MGMT: variants seen among roughly 807,000 people sequenced by gnomAD.
MGMT encodes the protein methylated-DNA--protein-cysteine methyltransferase.
Under a neutral mutation model 15.9 loss-of-function variants are expected in MGMT, and 14 were observed. The observed-to-expected ratio is 0.88, with a 90% CI of 0.58 to 1.37. MGMT has a LOEUF of 1.37. Ranked by LOEUF, MGMT falls within the 40% of genes most tolerant of loss-of-function variation. The pLI, the probability that MGMT is intolerant of heterozygous loss-of-function variation, is 0.00. For synonymous variants in MGMT, 130 were observed against 118.2 expected, an observed-to-expected ratio of 1.10 and a Z score of -0.65; for missense variants, 282 against 268.1, an observed-to-expected ratio of 1.05 and a Z score of -0.36.
At chr10:129,508,209 G>A (rs12254786) in intron 1 of MGMT, among the ~76,000 whole-genome samples, 10,449 of 152,124 alleles carry the variant, frequency 0.069, 1,204 homozygotes, top group African/African-American at 0.24. Flanking sequence ...GCCCTTTTGC[G>A]GGTGGTTCTG....
chr10:129,628,648 C>T (rs992554655), intron 2 of MGMT, among the ~76,000 whole-genome samples: 1 of 152,168 alleles, frequency 6.6e-6, no homozygotes, highest in Non-Finnish European at 1.5e-5. Context: ...GTCCACAGTT[C>T]GTGTCGATGA....
At chr10:129,619,822 GC>G (rs1414033297) in intron 2 of MGMT, among the ~76,000 whole-genome samples, 6 of 152,074 alleles carry the variant, frequency 3.9e-5, no homozygotes, top group Non-Finnish European at 7.4e-5. Flanking sequence ...CTATTCCACT[GC>G]CCTTTTTTCC....
Position 129,759,345 on chromosome 10 carries a change from A to T in MGMT, c.414+4A>T. 1 of 1,614,118 alleles carries T rather than the reference A, an allele frequency of 6.2e-7. No homozygotes were observed. Among genetic ancestry groups the T allele is most frequent in the Non-Finnish European group, 8.5e-7 (1 of 1,180,002 alleles). ...AGGAGCAATGAGAGGCAATCCTGTGAGTTCTCATGGCGCAAGCATGGCTGT... is the reference window on the plus strand; with the variant it reads ...AGGAGCAATGAGAGGCAATCCTGTGTGTTCTCATGGCGCAAGCATGGCTGT... On this transcript the variant is annotated splice_donor_region_variant and intron_variant, in intron 4 of 4. Coordinates refer to ENST00000651593, the MANE Select transcript of MGMT (RefSeq NM_002412.5).
intron 1 of MGMT, among the ~76,000 whole-genome samples, chr10:129,492,654 G>A (rs767632880): frequency 1.8e-4 from 28 of 152,132 alleles, no homozygotes; most frequent in Non-Finnish European, 2.9e-4. Context: ...GGACTGCCAC[G>A]GTGCTCCCCA....
At chr10:129,606,895 C>A (rs480468) in intron 2 of MGMT, among the ~76,000 whole-genome samples, 152,022 of 152,376 alleles carry the variant, frequency 1, 75,835 homozygotes, top group Middle Eastern at 1. Context: ...ATAAGCAATG[C>A]ATTTTTGTAG....
intron 2 of MGMT, among the ~76,000 whole-genome samples, chr10:129,666,243 C>T (rs1847657739): frequency 1.3e-5 from 2 of 152,198 alleles, no homozygotes; most frequent in South Asian, 2.1e-4. Context: ...GATCATATAT[C>T]TTTTTCCATG....
At chr10:129,631,699 C>T (rs1002861015) in intron 2 of MGMT, among the ~76,000 whole-genome samples, 3 of 152,084 alleles carry the variant, frequency 2.0e-5, no homozygotes, top group Non-Finnish European at 4.4e-5. Context: ...TGGTGTGCAC[C>T]TGTGGTCCCA....
intron 2 of MGMT, among the ~76,000 whole-genome samples, chr10:129,662,245 G>A (rs1399666289): frequency 6.6e-6 from 1 of 152,118 alleles, no homozygotes; most frequent in Non-Finnish European, 1.5e-5. Context: ...TCATAGGTAG[G>A]AATCAAAGGA....
In MGMT at chr10:129,765,627, G is replaced by A. The variant is rs376624305; in HGVS notation, c.415-1161G>A. On this transcript the variant is annotated intron_variant, in intron 4 of 4. Transcript: ENST00000651593. The stretch of plus-strand genomic sequence containing the variant: ...AGTAATTCCCACAAGAATTACATTC[G>A]CCATCACTGTCCCCTCTGGCTAAGC... 4.6e-5 allele frequency among the ~76,000 whole-genome samples: 7 copies of A among 152,318 alleles called. No individual in the cohort carries two copies. The East Asian group carries it at 9.7e-4, about 21-fold the overall frequency.
chr10:129,677,034 G>A (rs1847794031), intron 2 of MGMT, among the ~76,000 whole-genome samples: 1 of 152,200 alleles, frequency 6.6e-6, no homozygotes, highest in African/African-American at 2.4e-5. Flanking sequence ...CAGCGTGCTA[G>A]TAGTAACCAT....
chr10:129,584,509 T>C (rs546726644), intron 2 of MGMT, among the ~76,000 whole-genome samples: 1 of 152,306 alleles, frequency 6.6e-6, no homozygotes, highest in African/African-American at 2.4e-5. Flanking sequence ...ATTTAAATTG[T>C]ACAGCATGCT....
chr10:129,764,652 C>T (rs967029943), intron 4 of MGMT, among the ~76,000 whole-genome samples: 1 of 152,236 alleles, frequency 6.6e-6, no homozygotes, highest in Non-Finnish European at 1.5e-5. Flanking sequence ...GAAATCATTT[C>T]TCTGTTGAGC....
chr10:129,761,635 A>T (rs140378859), intron 4 of MGMT, among the ~76,000 whole-genome samples: 1 of 152,348 alleles, frequency 6.6e-6, no homozygotes, highest in Non-Finnish European at 1.5e-5. Flanking sequence ...GTAGTATCAC[A>T]TGGGATGTAA....
intron 2 of MGMT, among the ~76,000 whole-genome samples, chr10:129,621,560 G>A (rs1238281924): frequency 1.3e-5 from 2 of 152,284 alleles, no homozygotes; most frequent in East Asian, 1.9e-4. Context: ...AGGGACGCAC[G>A]AGTGGGTAGA....
At chr10:129,675,043 C>T (rs967487443) in intron 2 of MGMT, among the ~76,000 whole-genome samples, 3 of 152,178 alleles carry the variant, frequency 2.0e-5, no homozygotes, top group Admixed American at 1.3e-4. Flanking sequence ...ATCTGAACCA[C>T]GTGGAACAAG....
chr10:129,691,363 C>A lies in MGMT; in HGVS notation c.126-16532C>A, dbSNP rs970073756. On this transcript the variant is annotated intron_variant, in intron 2 of 4. Coordinates refer to ENST00000651593, the MANE Select transcript of MGMT (RefSeq NM_002412.5). ...TGGAAGCAAGAAGAGGAGCTGGCAACAGGACTTGGGAGAGGCGGAGAGCAC... is the reference window on the plus strand; with the variant it reads ...TGGAAGCAAGAAGAGGAGCTGGCAAAAGGACTTGGGAGAGGCGGAGAGCAC... Among the ~76,000 whole-genome samples, 9 of 152,348 alleles carry A rather than the reference C, an allele frequency of 5.9e-5. No homozygotes were observed. In the East Asian group the frequency reaches 1.7e-3, roughly 29 times the overall value.
At chr10:129,713,527 G>A (rs1451682281) in intron 3 of MGMT, among the ~76,000 whole-genome samples, 1 of 152,132 alleles carries the variant, frequency 6.6e-6, no homozygotes, top group Non-Finnish European at 1.5e-5. Flanking sequence ...AGGATTGTCC[G>A]ATGTCTGGAA....
chr10:129,726,022 T>A (rs1848429847), intron 3 of MGMT, among the ~76,000 whole-genome samples: 1 of 151,986 alleles, frequency 6.6e-6, no homozygotes, highest in South Asian at 2.1e-4. Context: ...GGGAGAGGAG[T>A]GTGTTCTGTC....
At chr10:129,476,572 A>G (rs1845297006) in intron 1 of MGMT, among the ~76,000 whole-genome samples, 1 of 151,944 alleles carries the variant, frequency 6.6e-6, no homozygotes, top group African/African-American at 2.4e-5. Context: ...TGCTGGTTCC[A>G]TGGTCTGTTG....
Sources: allele counts gnomAD v4.1 joint callset (sites outside exome capture counted in the v4.1 genomes callset), GRCh38; gene constraint gnomAD v4.1.1; transcripts MANE v1.5; gene names NCBI Gene and HGNC (gene_info 2026-07-23, HGNC 2026-07-21).